ENDOD1: variants seen among roughly 807,000 people sequenced by gnomAD.
The protein encoded by ENDOD1 is endonuclease domain-containing 1 protein.
A neutral mutation model predicts 6.5 loss-of-function variants in ENDOD1; 9 were observed. The observed-to-expected ratio is 1.39, with a 90% CI of 0.84 to 2.43. ENDOD1 has a LOEUF of 2.43. Among genes scored for constraint, ENDOD1 ranks in the 30% most tolerant of loss-of-function variants. The pLI, the probability that ENDOD1 is intolerant of heterozygous loss-of-function variation, is 0.00. For missense variants in ENDOD1, 648 were observed against 635.5 expected (o/e 1.02, Z -0.21); for synonymous variants, 255 against 255.2 (o/e 1.00, Z 0.01).
chr11:95,121,263 A>C (rs1370589318), intron 1 of ENDOD1, among the ~76,000 whole-genome samples: 2 of 151,834 alleles, frequency 1.3e-5, no homozygotes, highest in African/African-American at 4.8e-5. Flanking sequence ...CTCCCTCTTC[A>C]TTTTCTTCTT....
intron 1 of ENDOD1, among the ~76,000 whole-genome samples, chr11:95,094,176 A>T (rs183029342): frequency 8.5e-4 from 127 of 149,296 alleles, no homozygotes; most frequent in African/African-American, 2.9e-3. Flanking sequence ...TAATTTATAT[A>T]TTCAGTAACA....
At chr11:95,114,547 G>A (rs1387809140) in intron 1 of ENDOD1, among the ~76,000 whole-genome samples, 1 of 151,986 alleles carries the variant, frequency 6.6e-6, no homozygotes, top group African/African-American at 2.4e-5. Flanking sequence ...CTGTACTTAC[G>A]GGATATTACT....
chr11:95,114,508 A>T (rs1486177599), intron 1 of ENDOD1, among the ~76,000 whole-genome samples: 1 of 151,916 alleles, frequency 6.6e-6, no homozygotes, highest in Non-Finnish European at 1.5e-5. Context: ...TTAACTTGTG[A>T]TCCATTTGTC....
At chr11:95,106,633 TA>T (rs1391478865) in intron 1 of ENDOD1, among the ~76,000 whole-genome samples, 1 of 152,172 alleles carries the variant, frequency 6.6e-6, no homozygotes, top group Non-Finnish European at 1.5e-5. Flanking sequence ...ATGATCAGAA[TA>T]TTAGCTGATC....
intron 1 of ENDOD1, among the ~76,000 whole-genome samples, chr11:95,108,245 G>A (rs549015029): frequency 7.9e-5 from 12 of 152,182 alleles, no homozygotes; most frequent in African/African-American, 2.7e-4. Context: ...CCGTTCCACC[G>A]TCTTCTGACT....
rs367574776 is a variant in ENDOD1, at chr11:95,129,534, G to C, written c.1458G>C (p.Lys486Asn). 2 of 1,614,040 alleles carry C rather than the reference G, an allele frequency of 1.2e-6. No homozygotes were observed. The highest frequency in any genetic ancestry group is 1.7e-6 in the Non-Finnish European group (2 of 1,180,036). ...TTCAGGTGGTTTTTAGTGTCTGCAA[G>C]CGGATTGGCTACAAGGTTACTTTTG... The part of the protein sequence containing the change: ...GLFQVVFSVC[K>N]RIGYKVTFDN... The change falls in exon 2 of 2, where the codon AAG becomes AAC. Residue 486 changes from lysine to asparagine, a missense_variant. By Grantham distance (94) the Lys-to-Asn change is moderately conservative (BLOSUM62 0). Coordinates refer to ENST00000278505, the MANE Select transcript of ENDOD1 (RefSeq NM_015036.3).
intron 1 of ENDOD1, among the ~76,000 whole-genome samples, chr11:95,097,718 A>G (rs1313416316): frequency 1.3e-5 from 2 of 152,230 alleles, no homozygotes; most frequent in East Asian, 3.8e-4. Flanking sequence ...AGACAGTAGT[A>G]TCTTGGATCA....
intron 1 of ENDOD1, among the ~76,000 whole-genome samples, chr11:95,097,300 A>T (rs1442124847): frequency 3.9e-5 from 6 of 152,200 alleles, no homozygotes; most frequent in Non-Finnish European, 5.9e-5. Context: ...ACTTTTGGGT[A>T]TAGACATGAA....
intron 1 of ENDOD1, among the ~76,000 whole-genome samples, chr11:95,103,462 T>C (rs529858561): frequency 5.8e-4 from 88 of 152,256 alleles, no homozygotes; most frequent in African/African-American, 2.1e-3. Flanking sequence ...TTTATTGAGA[T>C]CTTAGGACTA....
Position 95,128,910 on chromosome 11 carries a change from A to G in ENDOD1, c.834A>G (p.Lys278=). The G allele has an allele frequency of 1.2e-6, 2 of 1,614,132 alleles. No homozygotes were observed. The highest frequency in any genetic ancestry group is 1.7e-6 in the Non-Finnish European group (2 of 1,180,024). ...GTGAAACTGAGCAAGACACAGAGAAAATGAAAAAAATCCTGGAAGTGGTTA... is the reference window on the plus strand; with the variant it reads ...GTGAAACTGAGCAAGACACAGAGAAGATGAAAAAAATCCTGGAAGTGGTTA... ...NCGETEQDTE[K]MKKILEVVNQ... is the part of the protein sequence containing the mutation. The change falls in exon 2 of 2, where the codon AAA becomes AAG. Residue 278 remains lysine, a synonymous_variant. Coordinates refer to ENST00000278505, the MANE Select transcript of ENDOD1 (RefSeq NM_015036.3).
At chr11:95,111,675 C>T (rs1565446630) in intron 1 of ENDOD1, among the ~76,000 whole-genome samples, 2 of 152,222 alleles carry the variant, frequency 1.3e-5, no homozygotes, top group East Asian at 1.9e-4. Context: ...GGAGGCAGAG[C>T]TTAGACGGTG....
chr11:95,093,029 C>T lies in ENDOD1; in HGVS notation c.300+2802C>T, dbSNP rs374405017. ...AGCAGTGACACTGAATTCCCAAAGC[C>T]CAGTTCGGCAGCTTTTGAGTCCACA... On this transcript the variant is annotated intron_variant, in intron 1 of 1. Transcript: ENST00000278505. 5.9e-5 allele frequency among the ~76,000 whole-genome samples: 9 copies of T among 152,190 alleles called. 1 individual carries two copies. In the East Asian group the frequency reaches 1.2e-3, roughly 20 times the overall value.
intron 1 of ENDOD1, among the ~76,000 whole-genome samples, chr11:95,092,105 G>A (rs187157660): frequency 1.3e-5 from 2 of 152,236 alleles, no homozygotes; most frequent in Admixed American, 1.3e-4. Flanking sequence ...TGACATTTCT[G>A]CTGTGTGTGG....
chr11:95,102,616 G>A (rs1859051660), intron 1 of ENDOD1, among the ~76,000 whole-genome samples: 2 of 152,318 alleles, frequency 1.3e-5, no homozygotes, highest in African/African-American at 4.8e-5. Context: ...AGGTTGCAGT[G>A]AGCTGAGATC....
intron 1 of ENDOD1, among the ~76,000 whole-genome samples, chr11:95,125,719 T>C (rs1029806552): frequency 6.6e-6 from 1 of 152,058 alleles, no homozygotes; most frequent in Admixed American, 6.6e-5. Flanking sequence ...TTGTGATAGT[T>C]TGCTGAGAAT....
intron 1 of ENDOD1, among the ~76,000 whole-genome samples, chr11:95,092,547 G>A (rs1397898694): frequency 6.6e-6 from 1 of 152,212 alleles, no homozygotes; most frequent in Non-Finnish European, 1.5e-5. Flanking sequence ...GTTCTGAAGA[G>A]TACAAGGGGC....
chr11:95,116,351 T>C (rs1166134244), intron 1 of ENDOD1, among the ~76,000 whole-genome samples: 1 of 152,222 alleles, frequency 6.6e-6, no homozygotes, highest in African/African-American at 2.4e-5. Context: ...TCCTTTTTCA[T>C]CTCTGATTTT....
At chr11:95,125,587 TC>T (rs1859303899) in intron 1 of ENDOD1, among the ~76,000 whole-genome samples, 1 of 126,392 alleles carries the variant, frequency 7.9e-6, no homozygotes, top group Admixed American at 8.1e-5. Context: ...ATGCTATCCC[TC>T]CCCCCTCCCC....
At chr11:95,112,383 A>G (rs1301867072) in intron 1 of ENDOD1, among the ~76,000 whole-genome samples, 1 of 152,106 alleles carries the variant, frequency 6.6e-6, no homozygotes, top group East Asian at 1.9e-4. Context: ...GTTCTTCCAC[A>G]TGCTTGTTTG....
Sources: allele counts gnomAD v4.1 joint callset (sites outside exome capture counted in the v4.1 genomes callset), GRCh38; gene constraint gnomAD v4.1.1; transcripts MANE v1.5; gene names NCBI Gene and HGNC (gene_info 2026-07-23, HGNC 2026-07-21).